Variants in NCBP3 observed in about 807,000 individuals in gnomAD.
The protein encoded by NCBP3 is nuclear cap binding subunit 3, also known as nuclear cap-binding protein subunit 3.
A neutral mutation model predicts 75.7 loss-of-function variants in NCBP3; 20 were observed. The ratio of observed to expected loss-of-function variants is 0.26; its 90% CI spans 0.19 to 0.38. The LOEUF is 0.38. Among genes scored for constraint, NCBP3 ranks in the 10% least tolerant of loss-of-function variants. The pLI, the probability that NCBP3 is intolerant of heterozygous loss-of-function variation, is 1.00. For synonymous variants in NCBP3, 293 were observed against 290.5 expected, an observed-to-expected ratio of 1.01 and a Z score of -0.09; for missense variants, 678 against 796.9, an observed-to-expected ratio of 0.85 and a Z score of 1.80.
intron 12 of NCBP3, 51 bp from the exon 13 acceptor site, chr17:3,813,330 G>T: frequency 6.2e-7 from 1 of 1,601,474 alleles, no homozygotes; most frequent in Non-Finnish European, 8.5e-7. Flanking sequence ...TAAGAACCAG[G>T]GTAGCACTGA....
chr17:3,803,356 A>G lies in NCBP3; in HGVS notation c.*9688T>C, dbSNP rs1411362735. 3 of 152,230 alleles carry G rather than the reference A, an allele frequency of 2.0e-5. No homozygotes were observed. The highest frequency in any genetic ancestry group is 4.4e-5 in the Non-Finnish European group (3 of 68,058). The allele number at this position is 152,230 out of a possible 1,614,324, so 9.4% of individuals were successfully genotyped here. The stretch of plus-strand genomic sequence containing the variant: ...CGCTTGATCCTGGATTGGATCCTGG[A>G]CCAGAAAAACAACGGCTTTCAAAAT... On this transcript the variant is annotated 3_prime_UTR_variant, in exon 13 of 13. Transcript: ENST00000389005.
chr17:3,839,068 T>C (rs59228287), intron 3 of NCBP3, among the ~76,000 whole-genome samples: 2,959 of 152,302 alleles, frequency 0.019, 113 homozygotes, highest in African/African-American at 0.069. Flanking sequence ...ATTTATATTA[T>C]AGTAGAATAA....
chr17:3,824,355 T>TACACACACACATAC (rs2053732626), intron 7 of NCBP3: 1 of 149,632 alleles, frequency 6.7e-6, no homozygotes, highest in Non-Finnish European at 1.5e-5. Context: ...CACACACACA[T>TACACACACACATAC]ACACACACAC....
At chr17:3,815,518 G>A (rs1351056799) in intron 11 of NCBP3, among the ~76,000 whole-genome samples, 6 of 152,136 alleles carry the variant, frequency 3.9e-5, no homozygotes, top group East Asian at 1.9e-4. Flanking sequence ...GACAACCACC[G>A]AACTTAATTT....
intron 3 of NCBP3, among the ~76,000 whole-genome samples, chr17:3,831,300 G>A (rs958925772): frequency 6.6e-5 from 10 of 151,890 alleles, no homozygotes; most frequent in Admixed American, 5.2e-4. Flanking sequence ...AAGGTCGGGC[G>A]CGGTCGCTCA....
At chr17:3,844,831 G>C (rs1364245699) in intron 1 of NCBP3, among the ~76,000 whole-genome samples, 2 of 152,194 alleles carry the variant, frequency 1.3e-5, no homozygotes, top group Non-Finnish European at 2.9e-5. Context: ...CTACTCAGGA[G>C]GCTGAGGCAG....
At chr17:3,840,534 T>A (rs2054046141) in intron 2 of NCBP3, among the ~76,000 whole-genome samples, 1 of 152,226 alleles carries the variant, frequency 6.6e-6, no homozygotes. Context: ...TTATTATCAA[T>A]TATGCCAACA....
intron 7 of NCBP3, chr17:3,822,605 A>C (rs2302299): frequency 0.17 from 26,378 of 152,256 alleles, 2,907 homozygotes; most frequent in Non-Finnish European, 0.24. Flanking sequence ...TCAAATGAGT[A>C]AATGTGGTAA....
rs766292607 is a variant in NCBP3 at position 3,814,332 on chromosome 17, C to A, written c.1617G>T (p.Glu539Asp). ...DSKGLYADTR[E>D]KKSGNLWTRL... ...TTAAGTGTTACCAACCTGATTTCTT[C>A]TCCCGAGTATCGGCGTAGAGGCCTT... Residue 539 changes from glutamate to aspartate, a missense_variant, in exon 12 of 13, where the codon GAG becomes GAT. Glu to Asp is a conservative substitution (Grantham distance 45). Transcript: ENST00000389005. The A allele has an allele frequency of 3.7e-6, 6 of 1,613,988 alleles. No individual in the cohort carries two copies. In the South Asian group the frequency reaches 5.5e-5, roughly 15 times the overall value.
At chr17:3,835,486 C>T (rs142874303) in intron 3 of NCBP3, among the ~76,000 whole-genome samples, 31 of 152,382 alleles carry the variant, frequency 2.0e-4, no homozygotes, top group African/African-American at 7.0e-4. Context: ...CAAAGTTGAG[C>T]GAATGGGCAG....
At chr17:3,833,388 T>C (rs975681260) in intron 3 of NCBP3, among the ~76,000 whole-genome samples, 3 of 152,172 alleles carry the variant, frequency 2.0e-5, no homozygotes, top group Non-Finnish European at 4.4e-5. Context: ...GGATTACAGG[T>C]GTGCACCACT....
intron 3 of NCBP3, among the ~76,000 whole-genome samples, chr17:3,831,952 G>C (rs2053885439): frequency 8.2e-6 from 1 of 122,308 alleles, no homozygotes. Context: ...GGGAGGCCAA[G>C]GCGGGTGGAT....
Position 3,808,213 on chromosome 17 carries a change from C to T in NCBP3, c.*4831G>A, listed in dbSNP as rs1597387933. On this transcript the variant is annotated 3_prime_UTR_variant, in exon 13 of 13. Coordinates refer to ENST00000389005, the MANE Select transcript of NCBP3 (RefSeq NM_001114118.3). ...TGATTTTTGCACAACACAGCCCTAA[C>T]TGCAGGCCAATCACTTCACCTGGTA... 1 of 152,248 alleles carries T rather than the reference C, an allele frequency of 6.6e-6. No homozygotes were observed. The highest frequency in any genetic ancestry group is 2.1e-4 in the South Asian group (1 of 4,838). The allele number at this position is 152,248 out of a possible 1,614,324, so 9.4% of individuals were successfully genotyped here. A position where few individuals can be genotyped will look rare whatever the true frequency, so the allele number is the denominator to read the frequency against.
Position 3,829,372 on chromosome 17 carries a change from G to GA in NCBP3, c.356-5dup. ...TCCAGTCTCACCTTGGGGATTGCTA[G>GA]AAAGACAAGACACAGAAAAGATGAT... On this transcript the variant is annotated splice_polypyrimidine_tract_variant and splice_region_variant and intron_variant, in intron 3 of 12. Transcript: ENST00000389005. The GA allele has an allele frequency of 6.4e-7, 1 of 1,551,410 alleles. No homozygotes were observed. Among genetic ancestry groups the GA allele is most frequent in the Non-Finnish European group, 8.7e-7 (1 of 1,146,706 alleles).
chr17:3,831,002 C>A (rs913369029), intron 3 of NCBP3, among the ~76,000 whole-genome samples: 2 of 151,512 alleles, frequency 1.3e-5, no homozygotes, highest in African/African-American at 4.9e-5. Context: ...ACCTCTGCCT[C>A]CCAGGTTCAA....
In NCBP3 at chr17:3,809,397, A is replaced by G. The variant is rs1314998440; in HGVS notation, c.*3647T>C. On this transcript the variant is annotated 3_prime_UTR_variant, in exon 13 of 13. Coordinates refer to ENST00000389005, the MANE Select transcript of NCBP3 (RefSeq NM_001114118.3). ...AACTTGTTCGGGAATGTTCGTAGCA[A>G]CACTATTCATAATAGCCAAAAAGTA... 1 of 152,220 alleles carries G rather than the reference A, an allele frequency of 6.6e-6. No individual in the cohort carries two copies. Among genetic ancestry groups the G allele is most frequent in the African/African-American group, 2.4e-5 (1 of 41,458 alleles). The allele number at this position is 152,220 out of a possible 1,614,324, so 9.4% of individuals were successfully genotyped here. A position where few individuals can be genotyped will look rare whatever the true frequency, so the allele number is the denominator to read the frequency against.
intron 4 of NCBP3, among the ~76,000 whole-genome samples, 184 bp from the exon 5 acceptor site, chr17:3,826,399 T>C (rs1162208119): frequency 6.6e-6 from 1 of 152,038 alleles, no homozygotes; most frequent in Non-Finnish European, 1.5e-5. Context: ...ATAACCCCAG[T>C]ACTTTGGGAG....
intron 8 of NCBP3, 49 bp from the exon 9 acceptor site, chr17:3,821,401 C>A (rs912547389): frequency 1.4e-6 from 2 of 1,391,708 alleles, no homozygotes; most frequent in Non-Finnish European, 2.0e-6. Flanking sequence ...ATAGGAAGGA[C>A]CTTGAAATCC....
At chr17:3,822,689 A>T (rs1263730697) in intron 7 of NCBP3, 1 of 152,288 alleles carries the variant, frequency 6.6e-6, no homozygotes, top group Non-Finnish European at 1.5e-5. Context: ...TTTTTGTCAA[A>T]AGTAGTAATA....
Sources: allele counts gnomAD v4.1 joint callset (sites outside exome capture counted in the v4.1 genomes callset), GRCh38; gene constraint gnomAD v4.1.1; transcripts MANE v1.5; gene names NCBI Gene and HGNC (gene_info 2026-07-23, HGNC 2026-07-21).